Variants in RNGTT observed in about 807,000 individuals in gnomAD.
RNGTT encodes RNA guanylyltransferase and 5'-phosphatase, also known as mRNA-capping enzyme.
In RNGTT, 33 loss-of-function variants were observed where a neutral mutation model predicts 79.3. The ratio of observed to expected loss-of-function variants is 0.42; its 90% CI spans 0.32 to 0.56. The LOEUF is 0.56. Ranked by LOEUF, RNGTT falls within the 20% of genes least tolerant of loss-of-function variation. RNGTT has a pLI of 0.17. For synonymous variants in RNGTT, 222 were observed against 235.9 expected (o/e 0.94, Z 0.54); for missense variants, 497 against 739.1 (o/e 0.67, Z 3.80).
intron 2 of RNGTT, among the ~76,000 whole-genome samples, chr6:88,934,884 G>A (rs1784618367): frequency 6.6e-6 from 1 of 152,066 alleles, no homozygotes; most frequent in African/African-American, 2.4e-5. Flanking sequence ...AAAGTGCTGG[G>A]ATTACAGGTG....
intron 1 of RNGTT, among the ~76,000 whole-genome samples, chr6:88,949,186 A>G (rs992415183): frequency 2.3e-4 from 34 of 145,356 alleles, no homozygotes; most frequent in African/African-American, 8.1e-4. Context: ...AAAGAAAATG[A>G]AAAGCTCTTG....
intron 1 of RNGTT, among the ~76,000 whole-genome samples, chr6:88,941,918 A>T (rs1418797348): frequency 1.3e-5 from 2 of 152,324 alleles, no homozygotes; most frequent in East Asian, 1.9e-4. Flanking sequence ...TCTTAAAAAC[A>T]TAAGCAATCT....
chr6:88,955,548 C>G (rs1186870024), intron 1 of RNGTT, among the ~76,000 whole-genome samples: 1 of 55,758 alleles, frequency 1.8e-5, no homozygotes, highest in South Asian at 5.6e-4. Context: ...AGACTCATCT[C>G]AAAAAAAAAA....
At chr6:88,755,398 C>CA (rs1394516807) in intron 13 of RNGTT, among the ~76,000 whole-genome samples, 1 of 151,422 alleles carries the variant, frequency 6.6e-6, no homozygotes, top group Non-Finnish European at 1.5e-5. Flanking sequence ...AAGATCCAAA[C>CA]AAAAAAATTC....
chr6:88,796,496 C>A (rs1779607922), intron 12 of RNGTT, among the ~76,000 whole-genome samples: 1 of 152,066 alleles, frequency 6.6e-6, no homozygotes, highest in African/African-American at 2.4e-5. Flanking sequence ...GCAAGGACAA[C>A]CCAAAAAGAC....
chr6:88,671,152 G>A (rs1774624898), intron 14 of RNGTT, among the ~76,000 whole-genome samples: 3 of 152,154 alleles, frequency 2.0e-5, no homozygotes, highest in African/African-American at 7.2e-5. Flanking sequence ...TCAGTAAAGA[G>A]GAAGTCAAAC....
intron 14 of RNGTT, among the ~76,000 whole-genome samples, chr6:88,631,895 A>C (rs1490639218): frequency 6.6e-6 from 1 of 152,040 alleles, no homozygotes; most frequent in African/African-American, 2.4e-5. Flanking sequence ...TGTCCAATCA[A>C]CTTTAAGACA....
intron 11 of RNGTT, among the ~76,000 whole-genome samples, chr6:88,842,073 G>GC (rs1296433072): frequency 6.6e-6 from 1 of 152,012 alleles, no homozygotes; most frequent in Non-Finnish European, 1.5e-5. Context: ...ACTACCAAAA[G>GC]CAAGAATGTC....
At chr6:88,915,603 G>A (rs1249242084) in intron 4 of RNGTT, among the ~76,000 whole-genome samples, 1 of 152,092 alleles carries the variant, frequency 6.6e-6, no homozygotes, top group Non-Finnish European at 1.5e-5. Flanking sequence ...ACAAACACTG[G>A]GGACTCCAAT....
At chr6:88,786,971 T>C (rs1425547837) in intron 12 of RNGTT, among the ~76,000 whole-genome samples, 2 of 152,132 alleles carry the variant, frequency 1.3e-5, no homozygotes, top group Non-Finnish European at 2.9e-5. Flanking sequence ...GGACACAACA[T>C]AAGCCAAGAA....
intron 14 of RNGTT, among the ~76,000 whole-genome samples, chr6:88,631,320 A>G (rs1359114333): frequency 6.6e-6 from 1 of 152,198 alleles, no homozygotes; most frequent in African/African-American, 2.4e-5. Context: ...AATGAGATAA[A>G]TGGGCTGTTA....
intron 11 of RNGTT, among the ~76,000 whole-genome samples, chr6:88,823,044 C>A (rs7756970): frequency 6.6e-6 from 1 of 152,084 alleles, no homozygotes; most frequent in Admixed American, 6.5e-5. Context: ...GGTTTCTTTA[C>A]GCAAGACACA....
intron 14 of RNGTT, among the ~76,000 whole-genome samples, chr6:88,669,100 G>A (rs1464329687): frequency 1.2e-4 from 18 of 152,156 alleles, no homozygotes; most frequent in Non-Finnish European, 2.5e-4. Context: ...GAAGACAGGA[G>A]AAAATGTAAA....
chr6:88,872,532 T>A (rs1562295841), intron 8 of RNGTT, among the ~76,000 whole-genome samples: 2 of 152,156 alleles, frequency 1.3e-5, no homozygotes, highest in Non-Finnish European at 2.9e-5. Context: ...AGAGTATCAT[T>A]GGATTGCTTG....
intron 11 of RNGTT, among the ~76,000 whole-genome samples, chr6:88,821,870 T>C (rs1476834032): frequency 6.6e-6 from 1 of 150,784 alleles, no homozygotes; most frequent in African/African-American, 2.4e-5. Flanking sequence ...ACTGATGATA[T>C]ATTAGGCCAC....
intron 8 of RNGTT, among the ~76,000 whole-genome samples, chr6:88,881,613 G>GAGAC (rs915176401): frequency 2.6e-5 from 4 of 152,134 alleles, no homozygotes; most frequent in Non-Finnish European, 5.9e-5. Flanking sequence ...ATTTCAATGT[G>GAGAC]AGACAGACAG....
intron 12 of RNGTT, among the ~76,000 whole-genome samples, chr6:88,771,467 C>T (rs1214152670): frequency 1.3e-5 from 2 of 151,384 alleles, no homozygotes; most frequent in East Asian, 1.9e-4. Context: ...ATTTTGAAAA[C>T]AGGCTGTGTA....
chr6:88,632,544 G>GACACACACACACACACACACAC (rs55920605), intron 14 of RNGTT, among the ~76,000 whole-genome samples: 2 of 132,950 alleles, frequency 1.5e-5, no homozygotes, highest in Non-Finnish European at 3.1e-5. Context: ...CAGACACACA[G>GACACACACACACACACACACAC]ACACACACAC....
intron 10 of RNGTT, among the ~76,000 whole-genome samples, chr6:88,848,491 C>A (rs1453628090): frequency 7.0e-6 from 1 of 142,720 alleles, no homozygotes; most frequent in African/African-American, 3.1e-5. Flanking sequence ...AGGATAAATT[C>A]TGTATATTTA....
Sources: allele counts gnomAD v4.1 joint callset (sites outside exome capture counted in the v4.1 genomes callset), GRCh38; gene constraint gnomAD v4.1.1; transcripts MANE v1.5; gene names NCBI Gene and HGNC (gene_info 2026-07-23, HGNC 2026-07-21).